Variants in FAM3C observed in about 807,000 individuals in gnomAD.
FAM3C encodes the protein protein FAM3C.
In FAM3C, 15 loss-of-function variants were observed where a neutral mutation model predicts 32.5. The ratio of observed to expected loss-of-function variants is 0.46; its 90% CI spans 0.31 to 0.71. FAM3C has a LOEUF of 0.71. Among genes scored for constraint, FAM3C ranks in the 30% least tolerant of loss-of-function variants. The probability of loss-of-function intolerance (pLI) is 0.05; values close to 1 mark genes in which losing one functional copy is unlikely to be tolerated. For synonymous variants in FAM3C, 75 were observed against 86.1 expected (o/e 0.87, Z 0.72); for missense variants, 175 against 274.4 (o/e 0.64, Z 2.56).
Position 121,381,556 on chromosome 7 carries a change from CTTACT to C in FAM3C, c.13+1396_13+1400del, listed in dbSNP as rs368887557. On this transcript the variant is annotated intron_variant, in intron 2 of 9. Coordinates refer to ENST00000359943, the MANE Select transcript of FAM3C (RefSeq NM_014888.3). ...TTTAAAATTATGTGAGAAAGAGAAA[CTTACT>C]TTATTTCAAATTGCCATGCTTAAAT... 3.7e-3 allele frequency among the ~76,000 whole-genome samples: 563 copies of C among 152,040 alleles called. 5 individuals carry two copies. The highest frequency in any genetic ancestry group is 0.012 in the African/African-American group (516 of 41,466).
At chr7:121,382,734 G>A (rs1423158085) in intron 2 of FAM3C, among the ~76,000 whole-genome samples, 1 of 150,550 alleles carries the variant, frequency 6.6e-6, no homozygotes, top group Non-Finnish European at 1.5e-5. Flanking sequence ...AGCTCAATGT[G>A]TAATTTCAAC....
Sources: gnomAD v4.1 joint callset for allele counts (sites outside exome capture counted in the v4.1 genomes callset) on GRCh38, gnomAD v4.1.1 for gene constraint, MANE v1.5 for transcripts, NCBI Gene and HGNC (gene_info 2026-07-23, HGNC 2026-07-21) for gene names.